The following TMC1 variants were observed in gnomAD, a reference collection of about 807,000 sequenced individuals.
TMC1 encodes transmembrane channel-like protein 1.
In TMC1, 84 loss-of-function variants were observed where a neutral mutation model predicts 105.8. That is an observed-to-expected ratio of 0.79 (90% CI 0.67 to 0.95). TMC1 has a LOEUF of 0.95. TMC1 is among the 40% of genes least tolerant of loss of function. The probability of loss-of-function intolerance (pLI) is 0.00; values close to 1 mark genes in which losing one functional copy is unlikely to be tolerated. For synonymous variants in TMC1, 315 were observed against 311.5 expected (o/e 1.01, Z -0.12); for missense variants, 817 against 914.1 (o/e 0.89, Z 1.37).
chr9:72,612,714 C>T (rs1418803303), intron 2 of TMC1, among the ~76,000 whole-genome samples: 2 of 152,178 alleles, frequency 1.3e-5, no homozygotes, highest in Non-Finnish European at 2.9e-5. Flanking sequence ...AAGAAGTTTT[C>T]CATCTACTCT....
chr9:72,826,686 G>C (rs560177442), intron 20 of TMC1, among the ~76,000 whole-genome samples, 183 bp from the exon 21 acceptor site: 3 of 151,958 alleles, frequency 2.0e-5, no homozygotes, highest in Admixed American at 6.6e-5. Flanking sequence ...CATATTTCTC[G>C]TATCTTACCC....
intron 2 of TMC1, among the ~76,000 whole-genome samples, chr9:72,586,997 G>C (rs143460847): frequency 6.6e-6 from 1 of 152,278 alleles, no homozygotes; most frequent in Non-Finnish European, 1.5e-5. Flanking sequence ...AAAGTCTGGA[G>C]TGTGTCAACT....
At chr9:72,593,822 C>T (rs569688998) in intron 2 of TMC1, among the ~76,000 whole-genome samples, 36 of 152,288 alleles carry the variant, frequency 2.4e-4, no homozygotes, top group African/African-American at 8.4e-4. Flanking sequence ...GGATATTGCT[C>T]ATCTCTGGCT....
intron 2 of TMC1, among the ~76,000 whole-genome samples, chr9:72,582,446 A>G (rs1198924107): frequency 6.6e-6 from 1 of 152,236 alleles, no homozygotes; most frequent in African/African-American, 2.4e-5. Context: ...TGGCTTGGAT[A>G]GGCAGCCTGC....
At chr9:72,587,814 C>T (rs1476965176) in intron 2 of TMC1, among the ~76,000 whole-genome samples, 1 of 150,662 alleles carries the variant, frequency 6.6e-6, no homozygotes, top group Non-Finnish European at 1.5e-5. Context: ...GAGACAGAGC[C>T]TCACTGTCTT....
intron 5 of TMC1, among the ~76,000 whole-genome samples, chr9:72,670,871 T>C (rs2487473): frequency 0.56 from 85,259 of 151,996 alleles, 25,242 homozygotes; most frequent in African/African-American, 0.77. Context: ...GGAAACATAC[T>C]GGTATAAGGT....
chr9:72,705,387 C>A (rs1826721540), intron 8 of TMC1, among the ~76,000 whole-genome samples: 1 of 152,188 alleles, frequency 6.6e-6, no homozygotes, highest in Non-Finnish European at 1.5e-5. Context: ...TCTCTTTGAA[C>A]CTCCATTTAT....
rs778452071 is a variant in TMC1 at position 72,836,017 on chromosome 9, T to C, written c.*44T>C. 1.2e-6 allele frequency: 2 copies of C among 1,606,640 alleles called. No individual in the cohort carries two copies. The highest frequency in any genetic ancestry group is 1.7e-6 in the Non-Finnish European group (2 of 1,177,144). On this transcript the variant is annotated 3_prime_UTR_variant, in exon 24 of 24. Coordinates refer to ENST00000297784, the MANE Select transcript of TMC1 (RefSeq NM_138691.3). ...AGAAAAGGTACACTTTGCCTTGCTG[T>C]TTAAAAGTAATGCAATATGTGAACG... is the stretch of plus-strand genomic sequence containing the variant.
rs752871843 is a variant in TMC1, at chr9:72,820,863, C to T, written c.1785C>T (p.Pro595=). The change falls in exon 20 of 24, where the codon CCC becomes CCT. Residue 595 remains proline, a synonymous_variant. Transcript: ENST00000297784. ...CTAGGATGGGCTCCTTCTTTGCTCC[C>T]AGCCTCCCAGGCATCAATATCCTTC... ...GMIWMGSFFA[P]SLPGINILRL... 1 of 1,614,196 alleles carries T rather than the reference C, an allele frequency of 6.2e-7. No individual in the cohort carries two copies. The highest frequency in any genetic ancestry group is 8.5e-7 in the Non-Finnish European group (1 of 1,180,034).
intron 5 of TMC1, among the ~76,000 whole-genome samples, chr9:72,674,293 A>G (rs1826168353): frequency 6.6e-6 from 1 of 151,400 alleles, no homozygotes; most frequent in South Asian, 2.1e-4. Context: ...AGCTAATCCT[A>G]AAATTTATAT....
chr9:72,773,889 T>C (rs1371829829), intron 13 of TMC1, among the ~76,000 whole-genome samples: 2 of 152,200 alleles, frequency 1.3e-5, no homozygotes, highest in African/African-American at 4.8e-5. Context: ...CATTAACAGA[T>C]GGCTCAACTG....
chr9:72,531,528 T>A (rs1306038665), intron 1 of TMC1, among the ~76,000 whole-genome samples: 1 of 152,328 alleles, frequency 6.6e-6, no homozygotes, highest in Admixed American at 6.5e-5. Context: ...CTGTCCCTGC[T>A]ATATGATTTA....
At chr9:72,646,987 CAAA>C (rs1825723559) in intron 4 of TMC1, among the ~76,000 whole-genome samples, 1 of 151,730 alleles carries the variant, frequency 6.6e-6, no homozygotes, top group South Asian at 2.1e-4. Context: ...ACTGAAAATA[CAAA>C]AATTAGCCCG....
At chr9:72,637,569 C>G (rs1392841976) in intron 4 of TMC1, among the ~76,000 whole-genome samples, 3 of 152,070 alleles carry the variant, frequency 2.0e-5, no homozygotes, top group Middle Eastern at 3.2e-3. Flanking sequence ...CTTCTAATGT[C>G]AGTATAGATA....
chr9:72,616,586 G>A (rs574228728), intron 3 of TMC1, 109 bp downstream of exon 3: 13 of 133,908 alleles, frequency 9.7e-5, no homozygotes, highest in Admixed American at 2.2e-4. Flanking sequence ...TGTTAGTACT[G>A]AGCAGTATAT....
chr9:72,681,649 A>T (rs886877813), intron 5 of TMC1, among the ~76,000 whole-genome samples: 3 of 152,184 alleles, frequency 2.0e-5, no homozygotes, highest in African/African-American at 4.8e-5. Flanking sequence ...CAATAAAAGC[A>T]GAAGGAAAAC....
chr9:72,782,955 C>T (rs1441493200), intron 13 of TMC1, among the ~76,000 whole-genome samples: 1 of 151,764 alleles, frequency 6.6e-6, no homozygotes, highest in African/African-American at 2.4e-5. Flanking sequence ...CATATGGAAC[C>T]CAAACACCCT....
intron 15 of TMC1, among the ~76,000 whole-genome samples, chr9:72,790,279 G>A (rs1357364054): frequency 2.0e-5 from 3 of 152,104 alleles, no homozygotes; most frequent in African/African-American, 7.2e-5. Context: ...ATCTTGGACA[G>A]CAAATGATAT....
chr9:72,715,590 G>A (rs367736294), intron 8 of TMC1, among the ~76,000 whole-genome samples: 7 of 152,004 alleles, frequency 4.6e-5, no homozygotes, highest in Admixed American at 2.0e-4. Flanking sequence ...TGAAGTTCTC[G>A]TGCTGTGTTT....
Sources: gnomAD v4.1 joint callset for allele counts (sites outside exome capture counted in the v4.1 genomes callset) on GRCh38, gnomAD v4.1.1 for gene constraint, MANE v1.5 for transcripts, NCBI Gene and HGNC (gene_info 2026-07-23, HGNC 2026-07-21) for gene names.